The following E2F4 variants were observed in gnomAD, a reference collection of about 807,000 sequenced individuals.
E2F4 encodes E2F transcription factor 4, also known as transcription factor E2F4.
A neutral mutation model predicts 44.5 loss-of-function variants in E2F4; 16 were observed. The ratio of observed to expected loss-of-function variants is 0.36; its 90% CI spans 0.24 to 0.55. The LOEUF is 0.55. Among genes scored for constraint, E2F4 ranks in the 20% least tolerant of loss-of-function variants. E2F4 has a pLI of 0.87. For missense variants in E2F4, 473 were observed against 522.1 expected, an observed-to-expected ratio of 0.91 and a Z score of 0.92; for synonymous variants, 242 against 207.2, an observed-to-expected ratio of 1.17 and a Z score of -1.44.
At chr16:67,196,066 C>G (rs545648922) in intron 7 of E2F4, 60 bp downstream of exon 7, 527 of 1,602,654 alleles carry the variant, frequency 3.3e-4, no homozygotes, top group Non-Finnish European at 4.3e-4. Flanking sequence ...AGTCCTAGGT[C>G]AGAAAACAGA....
At chr16:67,194,596 G>A (rs2032937656) in intron 5 of E2F4, 90 bp from the exon 6 acceptor site, 1 of 1,569,668 alleles carries the variant, frequency 6.4e-7, no homozygotes, top group East Asian at 2.3e-5. Context: ...CTGGGTGGGA[G>A]AGGACACTGT....
intron 5 of E2F4, 105 bp downstream of exon 5, chr16:67,194,564 G>A (rs2032937234): frequency 1.5e-5 from 23 of 1,576,112 alleles, no homozygotes; most frequent in Non-Finnish European, 2.0e-5. Context: ...GGAGTTTGGG[G>A]TTATCTAGGA....
rs1567687199 is a variant in E2F4, at chr16:67,192,184, C to G, written c.-44C>G. On this transcript the variant is annotated 5_prime_UTR_variant, in exon 1 of 10. Coordinates refer to ENST00000379378, the MANE Select transcript of E2F4 (RefSeq NM_001950.4). ...ACGGAAGCGGAAGTGGCGGCGGCGC[C>G]GGCCTGGCCTGGCCTGGCTGAGGGG... The G allele has an allele frequency of 1.7e-6, 2 of 1,161,186 alleles. No individual in the cohort carries two copies. Among genetic ancestry groups the G allele is most frequent in the Non-Finnish European group, 2.1e-6 (2 of 942,492 alleles). 71.9% of individuals were successfully genotyped at this position (1,161,186 alleles called of 1,614,324 possible).
intron 2 of E2F4, 31 bp from the exon 3 acceptor site, chr16:67,192,977 CA>C: frequency 6.4e-7 from 1 of 1,560,732 alleles, no homozygotes; most frequent in Non-Finnish European, 8.7e-7. Flanking sequence ...GAGTTCTCAG[CA>C]GTCCCTCTCA....
At position 67,193,526 on chromosome 16, in the gene E2F4, C is replaced by G; in HGVS notation, c.451+11C>G. Reference sequence around the variant, plus strand: ...GCAGATGCTTTGCTGGTGAGCAGAGCCTGGGTAGGGGTAAGGGGGTGGGCT... The same window carrying G: ...GCAGATGCTTTGCTGGTGAGCAGAGGCTGGGTAGGGGTAAGGGGGTGGGCT... On this transcript the variant is annotated intron_variant, in intron 4 of 9. Coordinates refer to ENST00000379378, the MANE Select transcript of E2F4 (RefSeq NM_001950.4). The G allele has an allele frequency of 6.2e-7, 1 of 1,614,110 alleles. No homozygotes were observed. The highest frequency in any genetic ancestry group is 8.5e-7 in the Non-Finnish European group (1 of 1,180,002).
rs2033011004 is a variant in E2F4, at chr16:67,198,381, C to G, written c.*258C>G. 4.2e-6 allele frequency: 2 copies of G among 479,946 alleles called. No individual in the cohort carries two copies. Among genetic ancestry groups the G allele is most frequent in the Non-Finnish European group, 7.6e-6 (2 of 262,360 alleles). The allele number at this position is 479,946 out of a possible 1,614,324, so 29.7% of individuals were successfully genotyped here. A position where few individuals can be genotyped will look rare whatever the true frequency, so the allele number is the denominator to read the frequency against. On this transcript the variant is annotated 3_prime_UTR_variant, in exon 10 of 10. Coordinates refer to ENST00000379378, the MANE Select transcript of E2F4 (RefSeq NM_001950.4). Reference sequence around the variant, plus strand: ...GCTTCTCCCTTTCTGCGGCCTTCGCCAGCCCAGGCTCGGCTGCCACCCAGT... The same window carrying G: ...GCTTCTCCCTTTCTGCGGCCTTCGCGAGCCCAGGCTCGGCTGCCACCCAGT...
In E2F4 at chr16:67,194,627, C is replaced by T. The variant is rs1266006328; in HGVS notation, c.514-59C>T. 9.5e-6 allele frequency: 15 copies of T among 1,586,534 alleles called. 1 individual carries two copies. The Middle Eastern group carries it at 5.0e-4, about 53-fold the overall frequency. On this transcript the variant is annotated intron_variant, in intron 5 of 9. Transcript: ENST00000379378. ...ACTGTGGTCCTGACCCGGAGTCGGGCAGGAGCCAAGCCTGCTTACAATTCT... is the reference window on the plus strand; with the variant it reads ...ACTGTGGTCCTGACCCGGAGTCGGGTAGGAGCCAAGCCTGCTTACAATTCT...
chr16:67,197,842 G>A lies in E2F4; in HGVS notation c.1082-25G>A, dbSNP rs370022423. Reference sequence around the variant, plus strand: ...TGGAGAGGTGGGAGCTGGAATGTTAGTAACTGAGCTCCCTCCATTCCCAGA... The same window carrying A: ...TGGAGAGGTGGGAGCTGGAATGTTAATAACTGAGCTCCCTCCATTCCCAGA... On this transcript the variant is annotated intron_variant, in intron 8 of 9. Transcript: ENST00000379378. 5 of 1,614,040 alleles carry A rather than the reference G, an allele frequency of 3.1e-6. No homozygotes were observed. The South Asian group carries it at 5.5e-5, about 18-fold the overall frequency.
In E2F4 at chr16:67,198,264, T is replaced by C; in HGVS notation, c.*141T>C. 1.4e-6 allele frequency: 1 copy of C among 700,468 alleles called. No individual in the cohort carries two copies. The highest frequency in any genetic ancestry group is 2.5e-6 in the Non-Finnish European group (1 of 403,162). The allele number at this position is 700,468 out of a possible 1,614,324, so 43.4% of individuals were successfully genotyped here. A position where few individuals can be genotyped will look rare whatever the true frequency, so the allele number is the denominator to read the frequency against. On this transcript the variant is annotated 3_prime_UTR_variant, in exon 10 of 10. Transcript: ENST00000379378. The stretch of plus-strand genomic sequence containing the variant: ...CCGGCCTCCCCTCACCGCACAGTTC[T>C]GGCCACAGCTCCCGCTCCTGTGCTG...
rs766451948 is a variant in E2F4 at position 67,195,768 on chromosome 16, G to T, written c.809-14G>T. 7 of 1,613,972 alleles carry T rather than the reference G, an allele frequency of 4.3e-6. No individual in the cohort carries two copies. Among genetic ancestry groups the T allele is most frequent in the Non-Finnish European group, 5.9e-6 (7 of 1,179,936 alleles). The stretch of plus-strand genomic sequence containing the variant: ...CTGACCTTGTATGACTGGGTTTGGG[G>T]GCTATCATTGTAGTGAGTGGCGGCC... On this transcript the variant is annotated splice_polypyrimidine_tract_variant and intron_variant, in intron 6 of 9. Transcript: ENST00000379378.
At position 67,193,497 on chromosome 16, in the gene E2F4, A is replaced by G. The variant is rs937285463; in HGVS notation, c.433A>G (p.Ile145Val). 1 of 1,614,156 alleles carries G rather than the reference A, an allele frequency of 6.2e-7. No homozygotes were observed. Among genetic ancestry groups the G allele is most frequent in the African/African-American group, 1.3e-5 (1 of 75,056 alleles). ...SCLAYVTHED[I>V]CRCFAGDTLL... is the part of the protein sequence containing the mutation. ...TTTGGCCTACGTCACTCATGAGGAC[A>G]TCTGCAGATGCTTTGCTGGTGAGCA... The change falls in exon 4 of 10, where the codon ATC becomes GTC. Residue 145 changes from isoleucine (I) to valine (V), a missense_variant. Ile to Val is a conservative substitution (Grantham distance 29). Coordinates refer to ENST00000379378, the MANE Select transcript of E2F4 (RefSeq NM_001950.4).
chr16:67,193,408 GGTC>G (rs2032919437), intron 3 of E2F4, 61 bp from the exon 4 acceptor site: 1 of 1,595,856 alleles, frequency 6.3e-7, no homozygotes, highest in East Asian at 2.2e-5. Context: ...TAAAGAATTG[GGTC>G]TTTTCTGTAG....
intron 4 of E2F4, 76 bp from the exon 5 acceptor site, chr16:67,194,322 C>A: frequency 1.3e-6 from 2 of 1,522,848 alleles, no homozygotes; most frequent in Non-Finnish European, 1.8e-6. Context: ...TCCTGCCTTG[C>A]TCCAAAAGGC....
Position 67,193,044 on chromosome 16 carries a change from C to T in E2F4, c.281C>T (p.Ala94Val). ...CCTGGCTGCAATACCCGGGAGATTG[C>T]TGACAAACTGATTGAGCTCAAGGCA... is the stretch of plus-strand genomic sequence containing the variant. ...VGPGCNTREI[A>V]DKLIELKAEI... Residue 94 changes from alanine (A) to valine (V), a missense_variant, in exon 3 of 10, where the codon GCT (alanine) becomes GTT (valine). By Grantham distance (64) the Ala-to-Val change is moderately conservative. Transcript: ENST00000379378. 1.3e-6 allele frequency: 2 copies of T among 1,571,488 alleles called. No homozygotes were observed. Among genetic ancestry groups the T allele is most frequent in the South Asian group, 1.2e-5 (1 of 86,084 alleles).
Position 67,195,726 on chromosome 16 carries a change from G to A in E2F4, c.809-56G>A, listed in dbSNP as rs934211615. 4 of 1,606,604 alleles carry A rather than the reference G, an allele frequency of 2.5e-6. No homozygotes were observed. In the Admixed American group the frequency reaches 5.0e-5, roughly 20 times the overall value. On this transcript the variant is annotated intron_variant, in intron 6 of 9. Coordinates refer to ENST00000379378, the MANE Select transcript of E2F4 (RefSeq NM_001950.4). ...CTGTGTCTGGGTTCCAGCACAGCCA[G>A]TTTCAACGACCTCTTCCTGACCTTG...
chr16:67,197,526 C>T (rs184513001), intron 7 of E2F4, 73 bp from the exon 8 acceptor site: 67 of 1,534,646 alleles, frequency 4.4e-5, no homozygotes, highest in African/African-American at 8.2e-5. Flanking sequence ...GTATAGGATC[C>T]GAGGAAGCCA....
Position 67,198,268 on chromosome 16 carries a change from C to T in E2F4, c.*145C>T, listed in dbSNP as rs1315133361. 3 of 687,628 alleles carry T rather than the reference C, an allele frequency of 4.4e-6. No individual in the cohort carries two copies. The highest frequency in any genetic ancestry group is 7.6e-6 in the Non-Finnish European group (3 of 394,170). 42.6% of individuals were successfully genotyped at this position (687,628 alleles called of 1,614,324 possible). A position where few individuals can be genotyped will look rare whatever the true frequency, so the allele number is the denominator to read the frequency against. On this transcript the variant is annotated 3_prime_UTR_variant, in exon 10 of 10. Transcript: ENST00000379378. Reference sequence around the variant, plus strand: ...CCTCCCCTCACCGCACAGTTCTGGCCACAGCTCCCGCTCCTGTGCTGGCAC... The same window carrying T: ...CCTCCCCTCACCGCACAGTTCTGGCTACAGCTCCCGCTCCTGTGCTGGCAC...
At chr16:67,197,557 G>C (rs759634194) in intron 7 of E2F4, 42 bp from the exon 8 acceptor site, 2 of 1,612,092 alleles carry the variant, frequency 1.2e-6, no homozygotes, top group African/African-American at 1.3e-5. Context: ...GTGGGGCCAG[G>C]CTGGACCTCT....
intron 2 of E2F4, 35 bp from the exon 3 acceptor site, chr16:67,192,974 C>T: frequency 1.3e-6 from 2 of 1,561,242 alleles, no homozygotes; most frequent in Non-Finnish European, 1.7e-6. Context: ...CCAGAGTTCT[C>T]AGCAGTCCCT....
Sources: gnomAD v4.1 joint callset for allele counts on GRCh38, gnomAD v4.1.1 for gene constraint, MANE v1.5 for transcripts, NCBI Gene and HGNC (gene_info 2026-07-23, HGNC 2026-07-21) for gene names.